NEK5: variants seen among roughly 807,000 people sequenced by gnomAD.
NEK5 encodes the protein NIMA related kinase 5.
NEK5 carries 88 observed loss-of-function variants against 109.2 expected under a neutral mutation model. That is an observed-to-expected ratio of 0.81 (90% CI 0.68 to 0.96). The LOEUF (loss-of-function observed/expected upper bound fraction) is 0.96, where lower values mean the gene tolerates loss of function less well. Among genes scored for constraint, NEK5 ranks in the 40% least tolerant of loss-of-function variants. The probability of loss-of-function intolerance (pLI) is 0.00; values close to 1 mark genes in which losing one functional copy is unlikely to be tolerated. For missense variants in NEK5, 834 were observed against 920.7 expected, an observed-to-expected ratio of 0.91 and a Z score of 1.22; for synonymous variants, 283 against 299.9, an observed-to-expected ratio of 0.94 and a Z score of 0.58.
intron 22 of NEK5, among the ~76,000 whole-genome samples, chr13:52,059,668 A>G (rs1348712099): frequency 6.6e-6 from 1 of 152,142 alleles, no homozygotes; most frequent in African/African-American, 2.4e-5. Context: ...CATGGATGAA[A>G]TTGGAAATCA....
chr13:52,114,144 T>C (rs1185856118), intron 4 of NEK5, among the ~76,000 whole-genome samples: 2 of 152,244 alleles, frequency 1.3e-5, no homozygotes, highest in Non-Finnish European at 2.9e-5. Context: ...TCTACTCACT[T>C]GTTTGTCTAC....
chr13:52,092,431 A>AG (rs1955305627), intron 13 of NEK5, among the ~76,000 whole-genome samples: 2 of 152,154 alleles, frequency 1.3e-5, no homozygotes, highest in Admixed American at 1.3e-4. Flanking sequence ...TAACAAAAAA[A>AG]AAAGAAAGAA....
rs765186833 is a variant in NEK5, at chr13:52,110,565, A to G, written c.325T>C (p.Phe109Leu). 1 of 1,608,924 alleles carries G rather than the reference A, an allele frequency of 6.2e-7. No individual in the cohort carries two copies. The highest frequency in any genetic ancestry group is 2.2e-5 in the East Asian group (1 of 44,800). The stretch of plus-strand genomic sequence containing the variant: ...TTTAGTCCTAGAGAAATCTGTACAA[A>G]CCAACCGAGGATCTATAGAGAGAAC... ...LFSEDQILGW[F>L]VQISLGLKHI... is the part of the protein sequence containing the mutation. The change falls in exon 6 of 24, where the codon TTT (phenylalanine) becomes CTT (leucine). Residue 109 changes from phenylalanine (F) to leucine (L), a missense_variant. Transcript: ENST00000684899.
At chr13:52,048,143 G>C (rs575585994) in intron 23 of NEK5, among the ~76,000 whole-genome samples, 4 of 152,266 alleles carry the variant, frequency 2.6e-5, no homozygotes, top group African/African-American at 9.6e-5. Context: ...GATATTAAAT[G>C]CTCCCAACAC....
chr13:52,056,332 T>C (rs1041980039), intron 22 of NEK5, among the ~76,000 whole-genome samples: 10 of 152,008 alleles, frequency 6.6e-5, no homozygotes, highest in Admixed American at 2.0e-4. Flanking sequence ...ACTTAGACTC[T>C]CACACATTAA....
chr13:52,068,755 G>C (rs1255423653), intron 20 of NEK5, among the ~76,000 whole-genome samples: 1 of 152,132 alleles, frequency 6.6e-6, no homozygotes, highest in Non-Finnish European at 1.5e-5. Context: ...GATCACCTGA[G>C]ATCAAGAGTT....
chr13:52,039,367 A>T (rs1954395325), intron 23 of NEK5, among the ~76,000 whole-genome samples: 1 of 152,086 alleles, frequency 6.6e-6, no homozygotes, highest in Admixed American at 6.6e-5. Context: ...GGAGACCATA[A>T]ATTTGGGTGG....
chr13:52,070,905 C>A (rs1177851569), intron 20 of NEK5, among the ~76,000 whole-genome samples: 1 of 152,200 alleles, frequency 6.6e-6, no homozygotes, highest in Non-Finnish European at 1.5e-5. Context: ...CTCACAATTA[C>A]CCTGTGTGGT....
At chr13:52,059,845 C>A (rs1333752612) in intron 22 of NEK5, among the ~76,000 whole-genome samples, 1 of 151,886 alleles carries the variant, frequency 6.6e-6, no homozygotes, top group South Asian at 2.1e-4. Context: ...GGGAGATATA[C>A]CTAATGCTTG....
In NEK5 at chr13:52,035,993, A is replaced by T. The variant is rs1485462379; in HGVS notation, c.*955T>A. On this transcript the variant is annotated 3_prime_UTR_variant, in exon 24 of 24. Coordinates refer to ENST00000684899, the MANE Select transcript of NEK5 (RefSeq NM_001365552.1). ...CTAACAAATTATCACAAACTTAGTT[A>T]ACACAAATTTATTATCTTAACAGTT... 1 of 152,172 alleles carries T rather than the reference A, an allele frequency of 6.6e-6. No homozygotes were observed. The highest frequency in any genetic ancestry group is 1.5e-5 in the Non-Finnish European group (1 of 68,040). The allele number at this position is 152,172 out of a possible 1,614,324, so 9.4% of individuals were successfully genotyped here. A position where few individuals can be genotyped will look rare whatever the true frequency, so the allele number is the denominator to read the frequency against.
intron 16 of NEK5, among the ~76,000 whole-genome samples, chr13:52,085,320 G>A (rs750317571): frequency 1.8e-4 from 27 of 152,166 alleles, no homozygotes; most frequent in African/African-American, 3.9e-4. Flanking sequence ...GAAACTGTGC[G>A]TCTATTACAC....
intron 22 of NEK5, among the ~76,000 whole-genome samples, chr13:52,058,769 G>T (rs1050889034): frequency 2.6e-5 from 4 of 152,158 alleles, no homozygotes; most frequent in African/African-American, 9.7e-5. Context: ...GCTGAAACTG[G>T]ATCCCTTCCT....
In NEK5 at chr13:52,099,864, TG is replaced by T; in HGVS notation, c.904del (p.Gln302LysfsTer3). On this transcript the variant is annotated frameshift_variant, in exon 12 of 24. Transcript: ENST00000684899. LOFTEE classifies it high-confidence loss of function. ...GCACTTTCCCTGGAATCTCACTTTTTGTATTTTACACTCTTAATTAACCAAA... is the reference window on the plus strand; with the variant it reads ...GCACTTTCCCTGGAATCTCACTTTTTTATTTTACACTCTTAATTAACCAAA... ...AGKVVQKCKI[Q>X]KVRFQGKCPP... The T allele has an allele frequency of 6.2e-7, 1 of 1,613,652 alleles. No individual in the cohort carries two copies. Among genetic ancestry groups the T allele is most frequent in the East Asian group, 2.2e-5 (1 of 44,888 alleles).
At chr13:52,084,644 C>T (rs1955081269) in intron 16 of NEK5, among the ~76,000 whole-genome samples, 1 of 151,710 alleles carries the variant, frequency 6.6e-6, no homozygotes, top group African/African-American at 2.4e-5. Context: ...CTCAAGCAAT[C>T]CTTCTGCTTT....
chr13:52,092,630 A>G (rs1001976145), intron 13 of NEK5, among the ~76,000 whole-genome samples: 1 of 152,176 alleles, frequency 6.6e-6, no homozygotes, highest in Non-Finnish European at 1.5e-5. Context: ...TCATGCCTGT[A>G]ATCCCAGCAC....
chr13:52,085,935 C>A (rs537416387), intron 16 of NEK5, among the ~76,000 whole-genome samples: 1 of 152,158 alleles, frequency 6.6e-6, no homozygotes, highest in Non-Finnish European at 1.5e-5. Context: ...AACTTACACT[C>A]ATTTTGGACT....
At chr13:52,066,633 G>A (rs1043499323) in intron 20 of NEK5, among the ~76,000 whole-genome samples, 10 of 151,858 alleles carry the variant, frequency 6.6e-5, no homozygotes, top group African/African-American at 1.2e-4. Flanking sequence ...GTGAAACCCC[G>A]TCTCTATCAA....
At chr13:52,096,264 T>C (rs1362908336) in intron 12 of NEK5, among the ~76,000 whole-genome samples, 5 of 152,162 alleles carry the variant, frequency 3.3e-5, no homozygotes, top group African/African-American at 1.2e-4. Flanking sequence ...TAAAGATACC[T>C]GAAAATGTGA....
chr13:52,064,161 T>C (rs1275815364), intron 21 of NEK5, among the ~76,000 whole-genome samples: 121 of 82,184 alleles, frequency 1.5e-3, no homozygotes, highest in East Asian at 1.8e-3. Context: ...CCAGCCGCCC[T>C]GTCCGGGAGG....
Sources: gnomAD v4.1 joint callset for allele counts (sites outside exome capture counted in the v4.1 genomes callset) on GRCh38, gnomAD v4.1.1 for gene constraint, MANE v1.5 for transcripts, NCBI Gene and HGNC (gene_info 2026-07-23, HGNC 2026-07-21) for gene names.